The following TRIP12 variants were observed in gnomAD, a reference collection of about 807,000 sequenced individuals.
TRIP12 encodes E3 ubiquitin-protein ligase TRIP12.
Under a neutral mutation model 244.2 loss-of-function variants are expected in TRIP12, and 25 were observed. That is an observed-to-expected ratio of 0.10 (90% CI 0.07 to 0.14). TRIP12 has a LOEUF of 0.14. TRIP12 is among the 10% of genes least tolerant of loss of function. The pLI is 1.00. For synonymous variants in TRIP12, 905 were observed against 873.1 expected, an observed-to-expected ratio of 1.04 and a Z score of -0.64; for missense variants, 1,677 against 2,486.4, an observed-to-expected ratio of 0.67 and a Z score of 6.92.
At chr2:229,864,047 A>AGTGAGTGTGTGT (rs1553712196) in intron 2 of TRIP12, among the ~76,000 whole-genome samples, 24 of 79,284 alleles carry the variant, frequency 3.0e-4, no homozygotes, top group South Asian at 5.1e-4. Flanking sequence ...AGAGAGAGAG[A>AGTGAGTGTGTGT]GTGTGTGTGT....
chr2:229,818,943 T>C (rs148283251), intron 8 of TRIP12, among the ~76,000 whole-genome samples: 8 of 151,214 alleles, frequency 5.3e-5, no homozygotes, highest in East Asian at 1.9e-4. Context: ...CCAGAATAAA[T>C]AGAATCCAAT....
At chr2:229,814,597 G>A (rs1190385312) in intron 11 of TRIP12, 5 of 305,216 alleles carry the variant, frequency 1.6e-5, no homozygotes, top group Non-Finnish European at 3.0e-5. Context: ...ATTTAAAATA[G>A]ATGAGTTGTT....
At position 229,844,195 on chromosome 2, in the gene TRIP12, C is replaced by T. The variant is rs539344602; in HGVS notation, c.1028-3268G>A. On this transcript the variant is annotated intron_variant, in intron 4 of 41. Coordinates refer to ENST00000675903, the MANE Select transcript of TRIP12 (RefSeq NM_001348323.3). ...GATGCTTTGGGGTACTTCCTGCTTA[C>T]ATGATTTACTTTCCTTGTCTACTTG... 7.2e-5 allele frequency among the ~76,000 whole-genome samples: 11 copies of T among 152,286 alleles called. No homozygotes were observed. In the South Asian group the frequency reaches 2.3e-3, roughly 32 times the overall value.
At chr2:229,864,805 C>T (rs1325534581) in intron 2 of TRIP12, among the ~76,000 whole-genome samples, 2 of 152,132 alleles carry the variant, frequency 1.3e-5, no homozygotes, top group Non-Finnish European at 2.9e-5. Context: ...GGGTTATGTG[C>T]TTTCAAGATC....
intron 2 of TRIP12, among the ~76,000 whole-genome samples, chr2:229,878,824 C>T (rs973433106): frequency 1.3e-5 from 2 of 152,000 alleles, no homozygotes; most frequent in Admixed American, 6.5e-5. Flanking sequence ...CCTCGTGATC[C>T]GCCCACCTTG....
intron 5 of TRIP12, among the ~76,000 whole-genome samples, chr2:229,839,658 G>A (rs1411346627): frequency 1.3e-5 from 2 of 149,370 alleles, no homozygotes; most frequent in Non-Finnish European, 3.0e-5. Flanking sequence ...CAGCCTGGGC[G>A]ACAGAGTGAG....
chr2:229,770,899 C>T (rs1030384198), intron 39 of TRIP12, among the ~76,000 whole-genome samples: 1 of 152,190 alleles, frequency 6.6e-6, no homozygotes. Context: ...GATTGTGAGG[C>T]CTCCCCAGCC....
At chr2:229,768,834 A>G in intron 40 of TRIP12, 115 bp from the exon 41 acceptor site, 1 of 957,920 alleles carries the variant, frequency 1.0e-6, no homozygotes, top group Non-Finnish European at 1.5e-6. Context: ...AATTACACAT[A>G]CATTTTCCAT....
chr2:229,784,803 G>A (rs892482466), intron 34 of TRIP12, among the ~76,000 whole-genome samples: 2 of 152,166 alleles, frequency 1.3e-5, no homozygotes, highest in East Asian at 1.9e-4. Context: ...AATTGAACTC[G>A]CATATATACG....
intron 30 of TRIP12, 138 bp downstream of exon 30, chr2:229,790,986 C>T (rs540058629): frequency 7.2e-6 from 8 of 1,105,548 alleles, no homozygotes; most frequent in African/African-American, 1.6e-5. Context: ...TAAATGTGAT[C>T]AAACTGTTTG....
chr2:229,777,618 A>G, intron 36 of TRIP12, 139 bp from the exon 37 acceptor site: 3 of 826,350 alleles, frequency 3.6e-6, no homozygotes, highest in Non-Finnish European at 5.6e-6. Context: ...GTTACAAACT[A>G]TTTCTCCCAC....
intron 20 of TRIP12, among the ~76,000 whole-genome samples, chr2:229,803,204 C>A (rs997940195): frequency 1.3e-5 from 2 of 152,338 alleles, no homozygotes; most frequent in South Asian, 4.1e-4. Flanking sequence ...AAACTGTAAT[C>A]CCACGCTGAG....
rs773712328 is a variant in TRIP12, at chr2:229,764,184, C to T, written c.*3370G>A. On this transcript the variant is annotated 3_prime_UTR_variant, in exon 42 of 42. Coordinates refer to ENST00000675903, the MANE Select transcript of TRIP12 (RefSeq NM_001348323.3). ...ATCCTGTTTTCTATATTTATAAATG[C>T]TATTTTGTCTGGATTTTTTTTTTTG... 1.7e-4 allele frequency: 26 copies of T among 152,138 alleles called. 1 individual carries two copies. In the Middle Eastern group the frequency reaches 0.017, roughly 100 times the overall value. 9.4% of individuals were successfully genotyped at this position (152,138 alleles called of 1,614,324 possible).
At chr2:229,783,972 T>C (rs1197861772) in intron 34 of TRIP12, among the ~76,000 whole-genome samples, 1 of 151,484 alleles carries the variant, frequency 6.6e-6, no homozygotes, top group Non-Finnish European at 1.5e-5. Context: ...TAGCTGGGCG[T>C]GGTGGCGCAT....
chr2:229,908,906 A>G (rs1357843364), intron 1 of TRIP12, among the ~76,000 whole-genome samples: 1 of 151,770 alleles, frequency 6.6e-6, no homozygotes, highest in Non-Finnish European at 1.5e-5. Flanking sequence ...AACCTGGGCA[A>G]TATAGCGAGA....
At chr2:229,790,690 C>T (rs192950443) in intron 30 of TRIP12, among the ~76,000 whole-genome samples, 34 of 152,164 alleles carry the variant, frequency 2.2e-4, no homozygotes, top group Admixed American at 2.6e-4. Flanking sequence ...TAGAAAGTGA[C>T]GGTTATATTC....
At chr2:229,792,871 A>T in intron 27 of TRIP12, 102 bp downstream of exon 27, 1 of 1,250,864 alleles carries the variant, frequency 8.0e-7, no homozygotes, top group African/African-American at 1.5e-5. Flanking sequence ...TCTATTTTTT[A>T]ACAGAAACAA....
At chr2:229,919,373 C>T (rs2076079941) in intron 1 of TRIP12, among the ~76,000 whole-genome samples, 1 of 151,700 alleles carries the variant, frequency 6.6e-6, no homozygotes, top group Non-Finnish European at 1.5e-5. Context: ...CTACACTGCA[C>T]CACTGCACTC....
chr2:229,787,775 T>C, intron 32 of TRIP12, 114 bp from the exon 33 acceptor site: 1 of 993,604 alleles, frequency 1.0e-6, no homozygotes, highest in Non-Finnish European at 1.4e-6. Context: ...AAATTGTAAA[T>C]AAAATCAGTA....
Sources: allele counts gnomAD v4.1 joint callset (sites outside exome capture counted in the v4.1 genomes callset), GRCh38; gene constraint gnomAD v4.1.1; transcripts MANE v1.5; gene names NCBI Gene and HGNC (gene_info 2026-07-23, HGNC 2026-07-21).